The following PDE4D variants were observed in gnomAD, a reference collection of about 807,000 sequenced individuals.
PDE4D encodes phosphodiesterase 4D.
Under a neutral mutation model 87.4 loss-of-function variants are expected in PDE4D, and 24 were observed. That is an observed-to-expected ratio of 0.27 (90% confidence interval 0.20 to 0.39). PDE4D has a LOEUF of 0.39. Among genes scored for constraint, PDE4D ranks in the 10% least tolerant of loss-of-function variants. PDE4D has a pLI of 1.00. For synonymous variants in PDE4D, 384 were observed against 383.2 expected, an observed-to-expected ratio of 1.00 and a Z score of -0.02; for missense variants, 714 against 1,041.0, an observed-to-expected ratio of 0.69 and a Z score of 4.32.
chr5:59,915,515 C>A (rs1350741436), intron 3 of PDE4D, among the ~76,000 whole-genome samples: 1 of 152,238 alleles, frequency 6.6e-6, no homozygotes, highest in Non-Finnish European at 1.5e-5. Flanking sequence ...CTTCAGCAGA[C>A]CTTGGAAAGG....
At chr5:59,878,930 G>C (rs1412339692) in intron 1 of PDE4D, among the ~76,000 whole-genome samples, 1 of 111,570 alleles carries the variant, frequency 9.0e-6, no homozygotes, top group Admixed American at 1.4e-4. Context: ...ACAGAGTCTC[G>C]CTCTGTCGCC....
At chr5:59,826,886 G>A (rs1313419843) in intron 1 of PDE4D, among the ~76,000 whole-genome samples, 1 of 152,052 alleles carries the variant, frequency 6.6e-6, no homozygotes, top group Non-Finnish European at 1.5e-5. Context: ...ATCTCTAAGA[G>A]CTCTTCCTGA....
intron 1 of PDE4D, among the ~76,000 whole-genome samples, chr5:59,456,821 G>A (rs1799997539): frequency 6.6e-6 from 1 of 152,138 alleles, no homozygotes; most frequent in Non-Finnish European, 1.5e-5. Context: ...TTCAAGTGAA[G>A]GAATTAACTG....
rs553883932 is a variant in PDE4D at position 59,565,145 on chromosome 5, C to T, written c.455+328023G>A. On this transcript the variant is annotated intron_variant, in intron 1 of 14. Coordinates refer to ENST00000340635, the MANE Select transcript of PDE4D (RefSeq NM_001104631.2). ...GAATGTGTAGGAAGGAGATGGGCTCCGCTTGGCTCTTAGGTCTCTGCAGAA... is the reference window on the plus strand; with the variant it reads ...GAATGTGTAGGAAGGAGATGGGCTCTGCTTGGCTCTTAGGTCTCTGCAGAA... Among the ~76,000 whole-genome samples the T allele has an allele frequency of 5.5e-4, 83 of 152,146 alleles. 1 individual carries two copies. Among genetic ancestry groups the T allele is most frequent in the East Asian group, 4.1e-3 (21 of 5,160 alleles).
intron 1 of PDE4D, among the ~76,000 whole-genome samples, chr5:59,800,618 C>T (rs191676810): frequency 1.6e-4 from 25 of 152,064 alleles, no homozygotes; most frequent in African/African-American, 6.0e-4. Context: ...CCTCCCCACC[C>T]CTACCCCCCT....
At chr5:59,183,749 T>C (rs1268469887) in intron 4 of PDE4D, among the ~76,000 whole-genome samples, 8 of 152,204 alleles carry the variant, frequency 5.3e-5, no homozygotes, top group African/African-American at 1.9e-4. Flanking sequence ...TGATTGGTAA[T>C]GAACAGGTAC....
At chr5:59,731,240 A>G (rs1046827275) in intron 1 of PDE4D, among the ~76,000 whole-genome samples, 12 of 151,960 alleles carry the variant, frequency 7.9e-5, no homozygotes, top group Admixed American at 1.3e-4. Flanking sequence ...GAGGATTCCT[A>G]AGAAATCCTT....
At chr5:60,079,681 G>T (rs958603910) in intron 2 of PDE4D, among the ~76,000 whole-genome samples, 7 of 152,160 alleles carry the variant, frequency 4.6e-5, no homozygotes, top group African/African-American at 1.7e-4. Context: ...AGATCAAATG[G>T]TTGTAGATGT....
At chr5:59,590,456 G>T (rs945114119) in intron 1 of PDE4D, among the ~76,000 whole-genome samples, 9 of 152,090 alleles carry the variant, frequency 5.9e-5, no homozygotes, top group African/African-American at 1.9e-4. Context: ...GATGCAGGAG[G>T]ATAACTTGAG....
Position 59,303,269 on chromosome 5 carries a change from C to A in PDE4D, c.456-87301G>T, listed in dbSNP as rs256750. Among the ~76,000 whole-genome samples the A allele has an allele frequency of 8.6e-5, 13 of 152,032 alleles. No homozygotes were observed. In the East Asian group the frequency reaches 2.1e-3, roughly 25 times the overall value. On this transcript the variant is annotated intron_variant, in intron 1 of 14. Coordinates refer to ENST00000340635, the MANE Select transcript of PDE4D (RefSeq NM_001104631.2). The stretch of plus-strand genomic sequence containing the variant: ...TTTTCTTACTGATTTGTTTGGGGTC[C>A]TTGTAGATTCTGGATACTACCCTTT...
chr5:60,100,028 A>G (rs1015041782), intron 2 of PDE4D, among the ~76,000 whole-genome samples: 19 of 152,174 alleles, frequency 1.2e-4, no homozygotes, highest in Non-Finnish European at 1.9e-4. Flanking sequence ...ATTTAAATAA[A>G]CCATGATATT....
Position 59,707,134 on chromosome 5 carries a change from C to T in PDE4D, c.455+186034G>A, listed in dbSNP as rs74388396. On this transcript the variant is annotated intron_variant, in intron 1 of 14. Coordinates refer to ENST00000340635, the MANE Select transcript of PDE4D (RefSeq NM_001104631.2). ...TAGTAACATTATTTTAAAAACTGTA[C>T]GTCTTCTTAGCTGTACACAGAAGTG... 4.5e-3 allele frequency among the ~76,000 whole-genome samples: 683 copies of T among 152,220 alleles called. 4 individuals carry two copies. The highest frequency in any genetic ancestry group is 0.016 in the African/African-American group (647 of 41,554).
intron 1 of PDE4D, chr5:59,430,155 T>C (rs1795899413): frequency 1.4e-6 from 1 of 718,316 alleles, no homozygotes; most frequent in Non-Finnish European, 1.9e-6. Context: ...TTAATTTTTT[T>C]CCCAACTATC....
Position 59,481,390 on chromosome 5 carries a change from C to T in PDE4D, c.456-265422G>A, listed in dbSNP as rs543993339. ...TGTAGTCCAAAAAAAAAAAAAAGTT[C>T]GAGTCAAGAAGCCTAGTCTGCAGTT... On this transcript the variant is annotated intron_variant, in intron 1 of 14. Transcript: ENST00000340635. Among the ~76,000 whole-genome samples the T allele has an allele frequency of 1.3e-4, 20 of 151,436 alleles. No homozygotes were observed. In the South Asian group the frequency reaches 4.2e-3, roughly 32 times the overall value.
At position 59,013,465 on chromosome 5, in the gene PDE4D, G is replaced by A. The variant is rs187528774; in HGVS notation, c.922-20000C>T. Among the ~76,000 whole-genome samples the A allele has an allele frequency of 2.6e-5, 4 of 151,746 alleles. No homozygotes were observed. The East Asian group carries it at 5.8e-4, about 22-fold the overall frequency. ...TAGATGCAATAAAAAATGATAAAGG[G>A]GATACCACCACCAATCCCCCAGAGA... On this transcript the variant is annotated intron_variant, in intron 6 of 14. Coordinates refer to ENST00000340635, the MANE Select transcript of PDE4D (RefSeq NM_001104631.2).
intron 1 of PDE4D, among the ~76,000 whole-genome samples, chr5:60,442,439 A>G (rs1474218066): frequency 1.3e-5 from 2 of 150,226 alleles, no homozygotes; most frequent in African/African-American, 2.4e-5. Flanking sequence ...AGGGCCTGTC[A>G]GGGGGTGGGG....
At chr5:59,185,151 G>A in intron 4 of PDE4D, 38 bp downstream of exon 4, 1 of 1,528,406 alleles carries the variant, frequency 6.5e-7, no homozygotes, top group South Asian at 1.1e-5. Flanking sequence ...TTATTTAAAA[G>A]TTCAGCAAAA....
intron 1 of PDE4D, among the ~76,000 whole-genome samples, chr5:60,339,637 G>A (rs1758134018): frequency 6.6e-6 from 1 of 152,148 alleles, no homozygotes; most frequent in African/African-American, 2.4e-5. Context: ...TTCCCCACTG[G>A]AAAGAAAATC....
chr5:60,371,329 C>T (rs1189388252), intron 1 of PDE4D, among the ~76,000 whole-genome samples: 5 of 152,190 alleles, frequency 3.3e-5, no homozygotes, highest in Non-Finnish European at 7.4e-5. Flanking sequence ...TGCTGCTCCC[C>T]GTTCAGTCCG....
Sources: allele counts gnomAD v4.1 joint callset (sites outside exome capture counted in the v4.1 genomes callset), GRCh38; gene constraint gnomAD v4.1.1; transcripts MANE v1.5; gene names NCBI Gene and HGNC (gene_info 2026-07-23, HGNC 2026-07-21).